TAC3: variants seen among roughly 807,000 people sequenced by gnomAD.
The protein encoded by TAC3 is tachykinin precursor 3, also known as tachykinin-3.
A neutral mutation model predicts 16.5 loss-of-function variants in TAC3; 9 were observed. The observed-to-expected ratio is 0.55, with a 90% confidence interval of 0.33 to 0.95. TAC3 has a LOEUF of 0.95. Ranked by LOEUF, TAC3 falls within the 40% of genes least tolerant of loss-of-function variation. TAC3 has a pLI of 0.03. For synonymous variants in TAC3, 52 were observed against 56.7 expected (o/e 0.92, Z 0.37); for missense variants, 129 against 149.1 (o/e 0.87, Z 0.70).
intron 4 of TAC3, chr12:57,013,129 T>C: frequency 1.4e-6 from 1 of 719,340 alleles, no homozygotes; most frequent in Admixed American, 2.3e-5. Context: ...AGAGATCCCC[T>C]TGTTTTCCAA....
rs1403341602 is a variant in TAC3, at chr12:57,012,850, T to A, written c.264A>T (p.Gly88=). 4 of 1,614,054 alleles carry A rather than the reference T, an allele frequency of 2.5e-6. No homozygotes were observed. The South Asian group carries it at 4.4e-5, about 18-fold the overall frequency. Residue 88 remains glycine, a synonymous_variant, in exon 5 of 7, where the codon GGA becomes GGT. Transcript: ENST00000458521. ...EKRDMHDFFV[G]LMGKRSVQPD... The stretch of plus-strand genomic sequence containing the variant: ...GCTGGACGCTCCTCTTGCCCATAAG[T>A]CCCACAAAGAAGTCATGCATGTCAC...
intron 6 of TAC3, chr12:57,010,860 T>A (rs943209372): frequency 6.6e-6 from 1 of 152,198 alleles, no homozygotes; most frequent in African/African-American, 2.4e-5. Context: ...GCTCCCTCAA[T>A]GGTAAGATTA....
In TAC3 at chr12:57,012,167, A is replaced by G. The variant is rs143435477; in HGVS notation, c.*1+211T>C. 1.3e-3 allele frequency: 786 copies of G among 585,470 alleles called. 6 individuals are homozygous for G. The African/African-American group carries it at 0.013, about 10-fold the overall frequency. 36.3% of individuals were successfully genotyped at this position (585,470 alleles called of 1,614,324 possible). A position where few individuals can be genotyped will look rare whatever the true frequency, so the allele number is the denominator to read the frequency against. On this transcript the variant is annotated intron_variant, in intron 6 of 6. Transcript: ENST00000458521. ...AATAGTCAGCTGCCGTCCATGATCC[A>G]GAGGAAAGAGATGAAAGACGGGGGA...
At chr12:57,011,637 T>C (rs1956299445) in intron 6 of TAC3, among the ~76,000 whole-genome samples, 1 of 152,196 alleles carries the variant, frequency 6.6e-6, no homozygotes, top group Non-Finnish European at 1.5e-5. Context: ...CACACAGCAC[T>C]GTGCACCCGG....
intron 2 of TAC3, among the ~76,000 whole-genome samples, chr12:57,014,350 C>G (rs533322998): frequency 2.6e-5 from 4 of 152,228 alleles, no homozygotes; most frequent in African/African-American, 4.8e-5. Context: ...CATCTCAAAT[C>G]TCAAGTCTCA....
At chr12:57,015,471 C>T (rs1956358939) in intron 2 of TAC3, among the ~76,000 whole-genome samples, 1 of 152,192 alleles carries the variant, frequency 6.6e-6, no homozygotes, top group Non-Finnish European at 1.5e-5. Flanking sequence ...CTTTTATGTA[C>T]AAGGTGTCAA....
At chr12:57,011,037 C>T (rs755857672) in intron 6 of TAC3, 3 of 152,586 alleles carry the variant, frequency 2.0e-5, no homozygotes, top group Non-Finnish European at 4.4e-5. Context: ...CAGAGTATGT[C>T]ATCCAGATAT....
intron 5 of TAC3, 178 bp from the exon 6 acceptor site, chr12:57,012,630 G>A (rs371647818): frequency 2.5e-6 from 4 of 1,612,870 alleles, no homozygotes; most frequent in South Asian, 1.1e-5. Context: ...CCTTATAAAG[G>A]TCTCTGCTCC....
Position 57,015,674 on chromosome 12 carries a change from G to T in TAC3, c.114+10C>A. 6.2e-7 allele frequency: 1 copy of T among 1,612,274 alleles called. No homozygotes were observed. The stretch of plus-strand genomic sequence containing the variant: ...GTGATGTCCCCAGTACTCTGCCAGG[G>T]GAGACTTACCTTGCTGCGGCCCCCG... On this transcript the variant is annotated intron_variant, in intron 2 of 6. Transcript: ENST00000458521.
intron 5 of TAC3, 78 bp downstream of exon 5, chr12:57,012,744 A>T (rs777438805): frequency 1.6e-5 from 26 of 1,613,706 alleles, no homozygotes; most frequent in Non-Finnish European, 2.2e-5. Flanking sequence ...CCCTCTGGTG[A>T]CAAATATGAG....
At position 57,013,252 on chromosome 12, in the gene TAC3, T is replaced by C; in HGVS notation, c.238+107A>G. ...GGCTGAGCAGTGGGAGCTGGCATAT[T>C]GTTTGTACCAGGTGAGAAGGGGCTG... On this transcript the variant is annotated intron_variant, in intron 4 of 6. Coordinates refer to ENST00000458521, the MANE Select transcript of TAC3 (RefSeq NM_013251.4). 1.5e-6 allele frequency: 2 copies of C among 1,379,098 alleles called. 1 individual carries two copies. Among genetic ancestry groups the C allele is most frequent in the South Asian group, 2.3e-5 (2 of 86,220 alleles). 85.4% of individuals were successfully genotyped at this position (1,379,098 alleles called of 1,614,324 possible). A position where few individuals can be genotyped will look rare whatever the true frequency, so the allele number is the denominator to read the frequency against.
chr12:57,010,341 T>C (rs903656188), intron 6 of TAC3, 53 bp from the exon 7 acceptor site: 5 of 364,896 alleles, frequency 1.4e-5, no homozygotes, highest in Non-Finnish European at 2.1e-5. Flanking sequence ...TCACATCTTA[T>C]ATCCTGTAAA....
intron 2 of TAC3, among the ~76,000 whole-genome samples, chr12:57,015,058 A>C (rs1956353980): frequency 6.6e-6 from 1 of 152,132 alleles, no homozygotes; most frequent in Non-Finnish European, 1.5e-5. Flanking sequence ...GAACTGTGGA[A>C]ATCGAGGCTC....
intron 2 of TAC3, 145 bp from the exon 3 acceptor site, chr12:57,013,816 G>A: frequency 6.9e-6 from 5 of 728,134 alleles, no homozygotes; most frequent in Admixed American, 2.1e-5. Context: ...CACACTGGAC[G>A]AGAAGTAGGT....
At chr12:57,012,764 T>A in intron 5 of TAC3, 58 bp downstream of exon 5, 2 of 1,614,010 alleles carry the variant, frequency 1.2e-6, no homozygotes, top group Non-Finnish European at 1.7e-6. Flanking sequence ...GGCACGTGAC[T>A]TCTGTCATAC....
intron 3 of TAC3, 31 bp downstream of exon 3, chr12:57,013,547 C>T (rs1163463636): frequency 2.5e-6 from 4 of 1,607,114 alleles, no homozygotes; most frequent in Non-Finnish European, 3.4e-6. Context: ...TCCTGCCCCT[C>T]ATTCCCCTCT....
Position 57,010,007 on chromosome 12 carries a change from G to T in TAC3, c.*283C>A, listed in dbSNP as rs1029526731. On this transcript the variant is annotated 3_prime_UTR_variant, in exon 7 of 7. Coordinates refer to ENST00000458521, the MANE Select transcript of TAC3 (RefSeq NM_013251.4). ...AACACACACACCACATCATTCATAT[G>T]CAAAAATCCTTTATTGTTGAGGAAT... The T allele has an allele frequency of 2.4e-6, 1 of 413,974 alleles. No homozygotes were observed. The highest frequency in any genetic ancestry group is 2.0e-5 in the African/African-American group (1 of 48,840). 25.6% of individuals were successfully genotyped at this position (413,974 alleles called of 1,614,324 possible).
intron 6 of TAC3, 52 bp from the exon 7 acceptor site, chr12:57,010,340 A>C: frequency 2.7e-6 from 1 of 365,436 alleles, no homozygotes; most frequent in Non-Finnish European, 5.3e-6. Flanking sequence ...ATCACATCTT[A>C]TATCCTGTAA....
Position 57,012,444 on chromosome 12 carries a change from T to C in TAC3, c.301A>G (p.Thr101Ala), listed in dbSNP as rs367704888. The C allele has an allele frequency of 3.1e-6, 5 of 1,613,194 alleles. No homozygotes were observed. The highest frequency in any genetic ancestry group is 1.7e-5 in the Admixed American group (1 of 59,976). The change falls in exon 6 of 7, where the codon ACG (threonine) becomes GCG (alanine). Residue 101 changes from threonine to alanine, a missense_variant. Coordinates refer to ENST00000458521, the MANE Select transcript of TAC3 (RefSeq NM_013251.4). Reference protein sequence around the residue: ...GKRSVQPDSPTDVNQENVPSF... With the variant: ...GKRSVQPDSPADVNQENVPSF... Reference sequence around the variant, plus strand: ...GGGACGTTCTCTTGATTCACATCCGTAGGAGAGTCTAGGGTAAAGCGAACA... The same window carrying C: ...GGGACGTTCTCTTGATTCACATCCGCAGGAGAGTCTAGGGTAAAGCGAACA...
Sources: allele counts gnomAD v4.1 joint callset (sites outside exome capture counted in the v4.1 genomes callset), GRCh38; gene constraint gnomAD v4.1.1; transcripts MANE v1.5; gene names NCBI Gene and HGNC (gene_info 2026-07-23, HGNC 2026-07-21).